Variants in ABCB1 observed in about 807,000 individuals in gnomAD.
The protein encoded by ABCB1 is ATP binding cassette subfamily B member 1, also known as ATP-dependent translocase ABCB1.
ABCB1 carries 69 observed loss-of-function variants against 142.0 expected under a neutral mutation model. The ratio of observed to expected loss-of-function variants is 0.49; its 90% CI spans 0.40 to 0.59. ABCB1 has a LOEUF of 0.59. Ranked by LOEUF, ABCB1 falls within the 20% of genes least tolerant of loss-of-function variation. The pLI, the probability that ABCB1 is intolerant of heterozygous loss-of-function variation, is 0.00. For missense variants in ABCB1, 1,326 were observed against 1,554.7 expected, an observed-to-expected ratio of 0.85 and a Z score of 2.47; for synonymous variants, 532 against 539.2, an observed-to-expected ratio of 0.99 and a Z score of 0.18.
intron 1 of ABCB1, among the ~76,000 whole-genome samples, chr7:87,622,495 G>A (rs2130100845): frequency 6.6e-6 from 1 of 152,214 alleles, no homozygotes; most frequent in South Asian, 2.1e-4. Flanking sequence ...ACATCTCTAG[G>A]AAAAAATTTA....
chr7:87,537,991 T>C (rs1816371812), intron 19 of ABCB1, among the ~76,000 whole-genome samples: 1 of 152,238 alleles, frequency 6.6e-6, no homozygotes, highest in Non-Finnish European at 1.5e-5. Context: ...TTTTCAATAT[T>C]CTTAAGTGGT....
chr7:87,531,782 T>C lies in ABCB1; in HGVS notation c.2482-285A>G, dbSNP rs1252627078. The C allele has an allele frequency of 1.3e-5, 5 of 379,612 alleles. No homozygotes were observed. In the East Asian group the frequency reaches 2.2e-4, roughly 17 times the overall value. 23.5% of individuals were successfully genotyped at this position (379,612 alleles called of 1,614,324 possible). On this transcript the variant is annotated intron_variant, in intron 20 of 27. Coordinates refer to ENST00000622132, the MANE Select transcript of ABCB1 (RefSeq NM_001348946.2). ...CCTTCATTAATCACGGCAACATTACTAAAGCAATATCTGCAAATTAGCAAG... is the reference window on the plus strand; with the variant it reads ...CCTTCATTAATCACGGCAACATTACCAAAGCAATATCTGCAAATTAGCAAG...
chr7:87,591,035 C>T (rs1051415353), intron 3 of ABCB1, among the ~76,000 whole-genome samples: 1 of 152,062 alleles, frequency 6.6e-6, no homozygotes, highest in African/African-American at 2.4e-5. Context: ...AGGGACTTTG[C>T]AGATTTAAAA....
intron 25 of ABCB1, among the ~76,000 whole-genome samples, chr7:87,510,803 C>T (rs1031983038): frequency 2.0e-4 from 31 of 152,114 alleles, no homozygotes; most frequent in African/African-American, 7.5e-4. Flanking sequence ...GACTATTCCA[C>T]ACATGTATGC....
At chr7:87,551,798 A>G (rs888368176) in intron 9 of ABCB1, among the ~76,000 whole-genome samples, 3 of 152,232 alleles carry the variant, frequency 2.0e-5, no homozygotes, top group African/African-American at 7.2e-5. Context: ...TCACAGGGCT[A>G]GAATATTATA....
At chr7:87,675,240 G>A (rs1826208789) in intron 1 of ABCB1, among the ~76,000 whole-genome samples, 1 of 152,164 alleles carries the variant, frequency 6.6e-6, no homozygotes, top group Non-Finnish European at 1.5e-5. Flanking sequence ...CACTCTAAAT[G>A]CCTTCCCTCC....
intron 1 of ABCB1, among the ~76,000 whole-genome samples, chr7:87,641,696 T>C (rs746861205): frequency 4.3e-4 from 66 of 152,200 alleles, no homozygotes; most frequent in Non-Finnish European, 6.9e-4. Context: ...TCCTCCAAAA[T>C]ACATATTGTT....
chr7:87,559,715 G>C (rs1447438487), intron 8 of ABCB1, among the ~76,000 whole-genome samples: 1 of 152,088 alleles, frequency 6.6e-6, no homozygotes, highest in Non-Finnish European at 1.5e-5. Context: ...CTCAGCTTTG[G>C]AGAGAGATTG....
chr7:87,669,934 G>A (rs1825663705), intron 1 of ABCB1, among the ~76,000 whole-genome samples: 1 of 152,130 alleles, frequency 6.6e-6, no homozygotes. Flanking sequence ...TGGAATAGCT[G>A]ATGACATGTG....
intron 1 of ABCB1, among the ~76,000 whole-genome samples, chr7:87,701,271 G>T (rs1225716596): frequency 6.6e-6 from 1 of 152,128 alleles, no homozygotes; most frequent in African/African-American, 2.4e-5. Context: ...CTCAAAAAAA[G>T]AAGAAAGAAG....
upstream of ABCB1, among the ~76,000 whole-genome samples, chr7:87,605,067 G>A (rs959073485): frequency 6.6e-6 from 1 of 152,184 alleles, no homozygotes; most frequent in African/African-American, 2.4e-5. Flanking sequence ...AATTACACTA[G>A]TAGGCTAAAT....
At chr7:87,587,599 C>T (rs1224710944) in intron 3 of ABCB1, among the ~76,000 whole-genome samples, 6 of 152,056 alleles carry the variant, frequency 3.9e-5, no homozygotes, top group Non-Finnish European at 8.8e-5. Context: ...TAGCTGGGTG[C>T]AGTGGCTCAC....
chr7:87,703,915 T>TTTTTTTTTTTTTTTTTTG (rs1829352814), intron 1 of ABCB1, among the ~76,000 whole-genome samples: 3 of 18,528 alleles, frequency 1.6e-4, no homozygotes, highest in Non-Finnish European at 2.2e-4. Flanking sequence ...TTTTTTTTGG[T>TTTTTTTTTTTTTTTTTTG]TTTTTTTTTT....
chr7:87,618,757 C>T (rs1055882428), intron 1 of ABCB1, among the ~76,000 whole-genome samples: 4 of 152,160 alleles, frequency 2.6e-5, no homozygotes, highest in Non-Finnish European at 5.9e-5. Context: ...GAAATCTAAT[C>T]ACATGAGCCC....
chr7:87,513,521 T>C (rs1815107528), intron 25 of ABCB1, among the ~76,000 whole-genome samples: 1 of 152,204 alleles, frequency 6.6e-6, no homozygotes, highest in African/African-American at 2.4e-5. Flanking sequence ...TGACTATGAG[T>C]ACATTAGTGG....
intron 25 of ABCB1, among the ~76,000 whole-genome samples, chr7:87,512,627 T>A (rs1815064801): frequency 6.6e-6 from 1 of 152,244 alleles, no homozygotes. Flanking sequence ...GACTCATTTT[T>A]ACATGGCAAT....
intron 1 of ABCB1, among the ~76,000 whole-genome samples, chr7:87,704,140 C>T (rs1256858704): frequency 6.6e-6 from 1 of 151,716 alleles, no homozygotes; most frequent in Admixed American, 6.6e-5. Flanking sequence ...AGGCTGGTCT[C>T]GAACTCCTGA....
At chr7:87,523,272 C>G (rs1037708853) in intron 21 of ABCB1, among the ~76,000 whole-genome samples, 2 of 152,076 alleles carry the variant, frequency 1.3e-5, no homozygotes, top group Non-Finnish European at 2.9e-5. Flanking sequence ...GGCACTACAC[C>G]TGGCTTGAAT....
At chr7:87,701,269 A>C (rs913223497) in intron 1 of ABCB1, among the ~76,000 whole-genome samples, 8 of 152,224 alleles carry the variant, frequency 5.3e-5, no homozygotes, top group Non-Finnish European at 1.0e-4. Context: ...TTCTCAAAAA[A>C]AGAAGAAAGA....
Sources: gnomAD v4.1 joint callset for allele counts (sites outside exome capture counted in the v4.1 genomes callset) on GRCh38, gnomAD v4.1.1 for gene constraint, MANE v1.5 for transcripts, NCBI Gene and HGNC (gene_info 2026-07-23, HGNC 2026-07-21) for gene names.